Variants in SLC39A11 observed in about 807,000 individuals in gnomAD.
SLC39A11 encodes zinc transporter ZIP11.
A neutral mutation model predicts 36.1 loss-of-function variants in SLC39A11; 33 were observed. That is an observed-to-expected ratio of 0.91 (90% CI 0.69 to 1.22). SLC39A11 has a LOEUF of 1.22. SLC39A11 is among the 50% of genes most tolerant of loss of function. The pLI is 0.00. For synonymous variants in SLC39A11, 166 were observed against 170.3 expected (o/e 0.97, Z 0.20); for missense variants, 432 against 430.3 (o/e 1.00, Z -0.03).
chr17:72,878,775 G>A (rs1256666388), intron 5 of SLC39A11, among the ~76,000 whole-genome samples: 1 of 152,206 alleles, frequency 6.6e-6, no homozygotes, highest in Non-Finnish European at 1.5e-5. Flanking sequence ...ACATGGAGTG[G>A]GGGTAATTCA....
At chr17:72,933,031 A>C (rs969114753) in intron 5 of SLC39A11, among the ~76,000 whole-genome samples, 12 of 152,224 alleles carry the variant, frequency 7.9e-5, no homozygotes, top group African/African-American at 2.9e-4. Context: ...ATCAGAAATA[A>C]GGCAAGACTG....
intron 6 of SLC39A11, chr17:72,839,820 T>C (rs981545591): frequency 1.3e-5 from 2 of 152,210 alleles, no homozygotes; most frequent in Non-Finnish European, 2.9e-5. Flanking sequence ...AGGGTTGAGG[T>C]GTTGAAGTGG....
At chr17:72,969,570 T>C (rs1029017371) in intron 4 of SLC39A11, among the ~76,000 whole-genome samples, 176 of 148,962 alleles carry the variant, frequency 1.2e-3, no homozygotes, top group Non-Finnish European at 1.2e-3. Flanking sequence ...TCGCATCCTC[T>C]TCCCCCTACT....
rs34607510 is a variant in SLC39A11, at chr17:73,083,015, CAAA to C, written c.147+1790_147+1792del. On this transcript the variant is annotated intron_variant, in intron 3 of 9. Coordinates refer to ENST00000255559, the MANE Select transcript of SLC39A11 (RefSeq NM_139177.4). ...TGGACAACAGAGGGAGACTCCATTTCAAAAAAAAAAAAAAAAAAAATGGACTTA... is the reference window on the plus strand; with the variant it reads ...TGGACAACAGAGGGAGACTCCATTTCAAAAAAAAAAAAAAAAATGGACTTA... 4.2e-3 allele frequency among the ~76,000 whole-genome samples: 375 copies of C among 89,770 alleles called. 1 individual carries two copies. The highest frequency in any genetic ancestry group is 7.5e-3 in the Admixed American group (51 of 6,764). 58.9% of individuals were successfully genotyped at this position (89,770 alleles called of 152,430 possible).
At chr17:72,746,892 A>C (rs111937830) in intron 6 of SLC39A11, among the ~76,000 whole-genome samples, 2 of 151,924 alleles carry the variant, frequency 1.3e-5, no homozygotes, top group South Asian at 2.1e-4. Flanking sequence ...ACCACACACA[A>C]AAAAATTGGC....
chr17:72,812,440 T>C (rs975637192), intron 6 of SLC39A11, among the ~76,000 whole-genome samples: 13 of 152,238 alleles, frequency 8.5e-5, no homozygotes, highest in Admixed American at 4.6e-4. Flanking sequence ...CAAAGATGTC[T>C]AGGCAATTTA....
intron 4 of SLC39A11, among the ~76,000 whole-genome samples, chr17:73,002,656 T>A (rs939560966): frequency 6.6e-6 from 1 of 152,200 alleles, no homozygotes; most frequent in Non-Finnish European, 1.5e-5. Context: ...GAACTAAAGA[T>A]GCAAACTGTG....
intron 4 of SLC39A11, among the ~76,000 whole-genome samples, chr17:73,013,484 C>T (rs1220564548): frequency 1.3e-5 from 2 of 152,234 alleles, no homozygotes; most frequent in Admixed American, 6.5e-5. Context: ...ATTTCTGCTG[C>T]TGTGTTGCAA....
intron 5 of SLC39A11, among the ~76,000 whole-genome samples, chr17:72,865,515 TA>T (rs2080259274): frequency 6.8e-6 from 1 of 146,624 alleles, no homozygotes; most frequent in South Asian, 2.2e-4. Context: ...AACATCAACA[TA>T]AAAGCTGGTT....
intron 5 of SLC39A11, among the ~76,000 whole-genome samples, chr17:72,934,184 C>T (rs1049379417): frequency 5.3e-5 from 8 of 151,254 alleles, no homozygotes; most frequent in Non-Finnish European, 8.8e-5. Context: ...AATTCTTAGA[C>T]GTAACACCAA....
intron 3 of SLC39A11, among the ~76,000 whole-genome samples, chr17:73,081,169 T>C (rs796997621): frequency 1.2e-4 from 19 of 152,120 alleles, no homozygotes; most frequent in African/African-American, 4.1e-4. Flanking sequence ...AGGACATGAA[T>C]GGACAATTCT....
chr17:72,839,270 G>C (rs953028204), intron 6 of SLC39A11: 2 of 152,140 alleles, frequency 1.3e-5, no homozygotes, highest in Non-Finnish European at 2.9e-5. Flanking sequence ...TCTGTGGTTG[G>C]CCAAATGATG....
chr17:72,963,136 A>T (rs1194355612), intron 4 of SLC39A11, among the ~76,000 whole-genome samples: 3 of 150,904 alleles, frequency 2.0e-5, no homozygotes, highest in Non-Finnish European at 4.4e-5. Flanking sequence ...TCTAGGGCAC[A>T]CACACCATGG....
chr17:72,906,737 A>C (rs2082674607), intron 5 of SLC39A11, among the ~76,000 whole-genome samples: 1 of 152,250 alleles, frequency 6.6e-6, no homozygotes, highest in South Asian at 2.1e-4. Context: ...TAAAGGCCCA[A>C]AATCAAAATA....
intron 7 of SLC39A11, among the ~76,000 whole-genome samples, chr17:72,659,734 C>A (rs1403482345): frequency 2.0e-5 from 3 of 151,992 alleles, no homozygotes; most frequent in Admixed American, 6.6e-5. Flanking sequence ...AGGCACCTAC[C>A]ACCATGCCTG....
intron 5 of SLC39A11, among the ~76,000 whole-genome samples, chr17:72,946,132 T>A (rs7213775): frequency 7.2e-5 from 11 of 152,162 alleles, no homozygotes; most frequent in Admixed American, 6.5e-5. Flanking sequence ...TTGAATACAG[T>A]GCTCTACTGT....
At chr17:72,963,819 C>A (rs372434513) in intron 4 of SLC39A11, among the ~76,000 whole-genome samples, 6 of 152,274 alleles carry the variant, frequency 3.9e-5, no homozygotes, top group Admixed American at 2.0e-4. Flanking sequence ...GGGGCAAAAG[C>A]AGCATTAGGC....
intron 6 of SLC39A11, among the ~76,000 whole-genome samples, chr17:72,790,865 T>A (rs12948247): frequency 0.58 from 88,812 of 152,010 alleles, 27,203 homozygotes; most frequent in Non-Finnish European, 0.7. Flanking sequence ...TTGCATCACA[T>A]TTACATGTAC....
chr17:73,081,327 T>C (rs1485571370), intron 3 of SLC39A11, among the ~76,000 whole-genome samples: 3 of 152,054 alleles, frequency 2.0e-5, no homozygotes, highest in East Asian at 3.9e-4. Flanking sequence ...ATAATAGCTG[T>C]TGGTGTGGAT....
Sources: allele counts gnomAD v4.1 joint callset (sites outside exome capture counted in the v4.1 genomes callset), GRCh38; gene constraint gnomAD v4.1.1; transcripts MANE v1.5; gene names NCBI Gene and HGNC (gene_info 2026-07-23, HGNC 2026-07-21).